MAPK10: variants seen among roughly 807,000 people sequenced by gnomAD.
The protein encoded by MAPK10 is JNK3 alpha protein kinase.
In MAPK10, 25 loss-of-function variants were observed where a neutral mutation model predicts 59.3. The observed-to-expected ratio is 0.42, with a 90% CI of 0.31 to 0.59. MAPK10 has a LOEUF of 0.59. Ranked by LOEUF, MAPK10 falls within the 20% of genes least tolerant of loss-of-function variation. MAPK10 has a pLI of 0.15. For synonymous variants in MAPK10, 190 were observed against 200.5 expected (o/e 0.95, Z 0.44); for missense variants, 351 against 568.9 (o/e 0.62, Z 3.90).
rs2069605495 is a variant in MAPK10, at chr4:86,161,449, C to G, written c.67-1982G>C. Reference sequence around the variant, plus strand: ...CAGTACCAGGAACTGCTCTCCACACCATGGTCCATTTCTACTCTAGACTTT... The same window carrying G: ...CAGTACCAGGAACTGCTCTCCACACGATGGTCCATTTCTACTCTAGACTTT... On this transcript the variant is annotated intron_variant, in intron 3 of 13. Transcript: ENST00000641462. 2.0e-5 allele frequency among the ~76,000 whole-genome samples: 3 copies of G among 152,030 alleles called. No individual in the cohort carries two copies. The South Asian group carries it at 6.2e-4, about 32-fold the overall frequency.
intron 1 of MAPK10, among the ~76,000 whole-genome samples, chr4:86,535,460 C>T (rs939089062): frequency 2.0e-5 from 3 of 152,134 alleles, no homozygotes; most frequent in African/African-American, 7.2e-5. Flanking sequence ...AGCTGGACTG[C>T]GGTGTCGCTA....
At chr4:86,167,407 CAT>C (rs987631867) in intron 3 of MAPK10, among the ~76,000 whole-genome samples, 1 of 152,038 alleles carries the variant, frequency 6.6e-6, no homozygotes, top group African/African-American at 2.4e-5. Flanking sequence ...CTGGCAGAGA[CAT>C]AGCAAAAAAA....
chr4:86,055,662 A>T (rs1484315521), intron 11 of MAPK10, among the ~76,000 whole-genome samples: 1 of 149,910 alleles, frequency 6.7e-6, no homozygotes, highest in African/African-American at 2.5e-5. Flanking sequence ...TCTATTAATA[A>T]AAAGCAACAG....
At chr4:86,221,422 C>T (rs1346953077) in intron 2 of MAPK10, among the ~76,000 whole-genome samples, 1 of 151,932 alleles carries the variant, frequency 6.6e-6, no homozygotes, top group African/African-American at 2.4e-5. Context: ...AAAGGAGGCA[C>T]ATTGATATGG....
upstream of MAPK10, among the ~76,000 whole-genome samples, chr4:86,365,006 G>A (rs1737604562): frequency 6.6e-6 from 1 of 152,042 alleles, no homozygotes; most frequent in African/African-American, 2.4e-5. Context: ...AAAGAAAAAA[G>A]AACAGATACA....
rs190502958 is a variant in MAPK10 at position 86,060,853 on chromosome 4, G to A, written c.1110+3413C>T. Among the ~76,000 whole-genome samples, 262 of 152,162 alleles carry A rather than the reference G, an allele frequency of 1.7e-3. 1 individual carries two copies. The highest frequency in any genetic ancestry group is 2.2e-3 in the Non-Finnish European group (147 of 68,004). On this transcript the variant is annotated intron_variant, in intron 11 of 13. Transcript: ENST00000641462. ...TGGGAAATAGATCATTGTCATCATT[G>A]TTCAAAAAAGAAATGTTGTGGAATA...
At chr4:86,300,559 T>C (rs2095450074) in intron 2 of MAPK10, 1 of 152,142 alleles carries the variant, frequency 6.6e-6, no homozygotes, top group African/African-American at 2.4e-5. Context: ...AATACACAAA[T>C]ACCCAACTTA....
chr4:86,315,120 T>C (rs111396082), intron 2 of MAPK10, among the ~76,000 whole-genome samples: 3,793 of 152,222 alleles, frequency 0.025, 62 homozygotes, highest in Non-Finnish European at 0.036. Context: ...TGGAGGTCAT[T>C]ATGTTATGTG....
At chr4:86,298,021 TTGTC>T (rs1460659510) in intron 2 of MAPK10, among the ~76,000 whole-genome samples, 1 of 152,202 alleles carries the variant, frequency 6.6e-6, no homozygotes, top group Non-Finnish European at 1.5e-5. Context: ...ATTAGAGCCT[TTGTC>T]TGTGTGGTCC....
At chr4:86,315,219 T>C (rs923940518) in intron 2 of MAPK10, among the ~76,000 whole-genome samples, 1 of 151,074 alleles carries the variant, frequency 6.6e-6, no homozygotes, top group African/African-American at 2.4e-5. Context: ...GAGATAAGAG[T>C]AGAAGGATGG....
intron 4 of MAPK10, among the ~76,000 whole-genome samples, chr4:86,149,970 A>G (rs1364572539): frequency 6.6e-6 from 1 of 152,204 alleles, no homozygotes; most frequent in East Asian, 1.9e-4. Flanking sequence ...AGAATTGGAT[A>G]TTTAACCTTT....
In MAPK10 at chr4:86,017,116, T is replaced by C; in HGVS notation, c.*112A>G. ...TTTAGGCTTGGATTCTCTCCCTTGCTGTTTTCTTGATGTTGTGTGTCTGCA... is the reference window on the plus strand; with the variant it reads ...TTTAGGCTTGGATTCTCTCCCTTGCCGTTTTCTTGATGTTGTGTGTCTGCA... On this transcript the variant is annotated 3_prime_UTR_variant, in exon 14 of 14. Coordinates refer to ENST00000641462, the MANE Select transcript of MAPK10 (RefSeq NM_138982.4). The surrounding 1 kb of genome is among the most constrained non-coding windows in gnomAD (Gnocchi z 4.4). 2 of 1,183,074 alleles carry C rather than the reference T, an allele frequency of 1.7e-6. No homozygotes were observed. The highest frequency in any genetic ancestry group is 1.5e-5 in the South Asian group (1 of 67,736). The allele number at this position is 1,183,074 out of a possible 1,614,324, so 73.3% of individuals were successfully genotyped here.
chr4:86,117,181 G>A (rs778349252), intron 4 of MAPK10, among the ~76,000 whole-genome samples: 1 of 152,230 alleles, frequency 6.6e-6, no homozygotes, highest in Admixed American at 6.5e-5. Flanking sequence ...AGCTGAGGCA[G>A]GAGGATTGCT....
intron 2 of MAPK10, among the ~76,000 whole-genome samples, chr4:86,306,456 G>T (rs896929931): frequency 6.6e-6 from 1 of 152,212 alleles, no homozygotes; most frequent in East Asian, 1.9e-4. Flanking sequence ...GACTTCCAGG[G>T]GACCCCAAAT....
chr4:86,356,524 T>C (rs1171199834), intron 1 of MAPK10: 12 of 882,534 alleles, frequency 1.4e-5, no homozygotes, highest in African/African-American at 1.8e-5. Flanking sequence ...TTCTCCCTAT[T>C]AAATACAGAA....
chr4:86,587,744 C>T (rs922514698), intron 1 of MAPK10, among the ~76,000 whole-genome samples: 1 of 152,192 alleles, frequency 6.6e-6, no homozygotes, highest in Non-Finnish European at 1.5e-5. Context: ...TAGATTAGCC[C>T]AGAATTCATT....
At chr4:86,323,393 G>T (rs531260034) in intron 2 of MAPK10, among the ~76,000 whole-genome samples, 4 of 152,278 alleles carry the variant, frequency 2.6e-5, no homozygotes, top group African/African-American at 4.8e-5. Context: ...ATTAGAAGTG[G>T]TGTTTGCCAA....
intron 1 of MAPK10, among the ~76,000 whole-genome samples, chr4:86,420,483 T>C (rs990187968): frequency 1.8e-4 from 28 of 152,234 alleles, no homozygotes; most frequent in Non-Finnish European, 3.2e-4. Context: ...ATTCAGATAA[T>C]TGCCTTTAAA....
rs1460749 is a variant in MAPK10, at chr4:86,224,428, C to T, written c.-6-30021G>A. On this transcript the variant is annotated intron_variant, in intron 2 of 13. Transcript: ENST00000641462. ...GAAAGCTTAAGAATGAGTAGAAGTG[C>T]ACTAGGTAAAAAAGGAAGGGAACAG... 8.4e-3 allele frequency among the ~76,000 whole-genome samples: 1,282 copies of T among 151,972 alleles called. 20 individuals carry two copies. Among genetic ancestry groups the T allele is most frequent in the African/African-American group, 0.03 (1,222 of 41,390 alleles).
Sources: gnomAD v4.1 joint callset for allele counts (sites outside exome capture counted in the v4.1 genomes callset) on GRCh38, gnomAD v4.1.1 for gene constraint, Gnocchi (gnomAD v3.1) non-coding constraint, MANE v1.5 for transcripts, NCBI Gene and HGNC (gene_info 2026-07-23, HGNC 2026-07-21) for gene names.